NRN1L: variants seen among roughly 807,000 people sequenced by gnomAD.
NRN1L encodes neuritin-like protein.
Under a neutral mutation model 8.8 loss-of-function variants are expected in NRN1L, and 12 were observed. The ratio of observed to expected loss-of-function variants is 1.36; its 90% confidence interval spans 0.87 to 2.20. The LOEUF (loss-of-function observed/expected upper bound fraction) is 2.20, where lower values mean the gene tolerates loss of function less well. Among genes scored for constraint, NRN1L ranks in the 30% most tolerant of loss-of-function variants. NRN1L has a pLI of 0.00. For synonymous variants in NRN1L, 114 were observed against 99.2 expected (o/e 1.15, Z -0.88); for missense variants, 266 against 232.4 (o/e 1.14, Z -0.94).
intron 2 of NRN1L, 50 bp downstream of exon 2, chr16:67,885,904 T>G: frequency 6.3e-7 from 1 of 1,580,540 alleles, no homozygotes; most frequent in Non-Finnish European, 8.6e-7. Flanking sequence ...CATTGGGGAC[T>G]GAACCTTTTA....
chr16:67,885,381 C>G (rs1194652282), intron 1 of NRN1L: 2 of 465,590 alleles, frequency 4.3e-6, no homozygotes, highest in Non-Finnish European at 3.8e-6. Context: ...TGCACCTGCT[C>G]CTGGTCCGGG....
At chr16:67,885,161 GAGA>G (rs893579282) in intron 1 of NRN1L, 179 bp downstream of exon 1, 9 of 609,840 alleles carry the variant, frequency 1.5e-5, no homozygotes, top group East Asian at 1.4e-4. Context: ...CCAGTTATGG[GAGA>G]AGGACTCCAA....
Position 67,886,332 on chromosome 16 carries a change from G to A in NRN1L, c.*73G>A, listed in dbSNP as rs1030198546. ...GGTGGTTGTCCAGGCTCTGCAGAGC[G>A]CAGCAGGGCTTTTCATTAAAGGTAT... On this transcript the variant is annotated 3_prime_UTR_variant, in exon 3 of 3. Transcript: ENST00000339176. The A allele has an allele frequency of 1.3e-5, 17 of 1,272,152 alleles. No individual in the cohort carries two copies. The highest frequency in any genetic ancestry group is 6.0e-5 in the African/African-American group (4 of 66,438). The allele number at this position is 1,272,152 out of a possible 1,614,324, so 78.8% of individuals were successfully genotyped here.
chr16:67,885,023 C>A, intron 1 of NRN1L, 41 bp downstream of exon 1: 1 of 1,558,680 alleles, frequency 6.4e-7, no homozygotes, highest in Non-Finnish European at 8.8e-7. Flanking sequence ...ACCCCCTTCT[C>A]GCCCAGCCAA....
Position 67,884,890 on chromosome 16 carries a change from G to A in NRN1L, c.-14G>A, listed in dbSNP as rs1222299975. 6.2e-7 allele frequency: 1 copy of A among 1,602,956 alleles called. No individual in the cohort carries two copies. On this transcript the variant is annotated 5_prime_UTR_variant, in exon 1 of 3. Coordinates refer to ENST00000339176, the MANE Select transcript of NRN1L (RefSeq NM_198443.2). This position sits in a 1 kb window ranked among gnomAD's most constrained non-coding sequence, Gnocchi z 4.1. Reference sequence around the variant, plus strand: ...TCCAAGCAGCTAGCTCCTGCACTAGGCTCTCAGCCAGGGATGATGCGCTGC... The same window carrying A: ...TCCAAGCAGCTAGCTCCTGCACTAGACTCTCAGCCAGGGATGATGCGCTGC...
intron 1 of NRN1L, 137 bp from the exon 2 acceptor site, chr16:67,885,585 T>A: frequency 1.5e-6 from 1 of 657,762 alleles, no homozygotes; most frequent in Non-Finnish European, 2.6e-6. Context: ...TGCCCTTTAG[T>A]TCCCTGGGGC....
chr16:67,884,937 C>A lies in NRN1L; in HGVS notation c.34C>A (p.Arg12=). Residue 12 remains arginine, a synonymous_variant, in exon 1 of 3, where the codon CGG becomes AGG. Coordinates refer to ENST00000339176, the MANE Select transcript of NRN1L (RefSeq NM_198443.2). The surrounding 1 kb of genome is among the most constrained non-coding windows in gnomAD (Gnocchi z 4.1). ...MRCCRRRCCC[R]QPPHALRPLL... Reference sequence around the variant, plus strand: ...CTGCTGCCGCCGCCGCTGCTGCTGCCGGCAACCACCCCATGCCCTGAGGCC... The same window carrying A: ...CTGCTGCCGCCGCCGCTGCTGCTGCAGGCAACCACCCCATGCCCTGAGGCC... The A allele has an allele frequency of 6.2e-7, 1 of 1,607,664 alleles. No individual in the cohort carries two copies. The highest frequency in any genetic ancestry group is 8.5e-7 in the Non-Finnish European group (1 of 1,179,790).
downstream of NRN1L, among the ~76,000 whole-genome samples, chr16:67,888,316 C>T (rs1399979394): frequency 6.6e-6 from 1 of 152,104 alleles, no homozygotes; most frequent in Non-Finnish European, 1.5e-5. Flanking sequence ...GGGCATACTG[C>T]TGGGAAGGAT....
chr16:67,885,703 A>AAGTCCCTTTTACAC lies in NRN1L; in HGVS notation c.80-19_80-18insAGTCCCTTTTACAC. On this transcript the variant is annotated intron_variant, in intron 1 of 2. Coordinates refer to ENST00000339176, the MANE Select transcript of NRN1L (RefSeq NM_198443.2). ...CTATCTACCATTCCTTCCCCACCCC[A>AAGTCCCTTTTACAC]CCCCCGCCCCACTTCTAGTCCTTTT... 1 of 635,100 alleles carries AAGTCCCTTTTACAC rather than the reference A, an allele frequency of 1.6e-6. No individual in the cohort carries two copies. The highest frequency in any genetic ancestry group is 2.4e-6 in the Non-Finnish European group (1 of 414,504). 39.3% of individuals were successfully genotyped at this position (635,100 alleles called of 1,614,324 possible).
At chr16:67,887,163 C>G (rs1323480117), downstream of NRN1L, among the ~76,000 whole-genome samples, 1 of 152,148 alleles carries the variant, frequency 6.6e-6, no homozygotes, top group Non-Finnish European at 1.5e-5. Flanking sequence ...GGGGGTAGGA[C>G]CCTCTTCTGA....
intron 1 of NRN1L, chr16:67,885,513 C>G: frequency 1.8e-6 from 1 of 564,812 alleles, no homozygotes; most frequent in Non-Finnish European, 3.1e-6. Flanking sequence ...ACCCCCTTCC[C>G]CTGTACAAAT....
At position 67,886,140 on chromosome 16, in the gene NRN1L, G is replaced by A. The variant is rs2058095576; in HGVS notation, c.379G>A (p.Gly127Ser). 6.2e-7 allele frequency: 1 copy of A among 1,611,726 alleles called. No homozygotes were observed. The highest frequency in any genetic ancestry group is 8.5e-7 in the Non-Finnish European group (1 of 1,179,700). The change falls in exon 3 of 3, where the codon GGC (glycine) becomes AGC (serine). Residue 127 changes from glycine (G) to serine (S), a missense_variant. Physicochemically the swap from Gly to Ser is moderately conservative, Grantham distance 56 (BLOSUM62 0). Coordinates refer to ENST00000339176, the MANE Select transcript of NRN1L (RefSeq NM_198443.2). Reference protein sequence around the residue: ...APVHVRERGTGSETNQETLRA... With the variant: ...APVHVRERGTSSETNQETLRA... Reference sequence around the variant, plus strand: ...GGTGCATGTTCGGGAGCGCGGCACAGGCTCCGAAACCAACCAGGAGACGCT... The same window carrying A: ...GGTGCATGTTCGGGAGCGCGGCACAAGCTCCGAAACCAACCAGGAGACGCT...
At position 67,885,789 on chromosome 16, in the gene NRN1L, CG is replaced by C; in HGVS notation, c.148del (p.Ala50ProfsTer112). Reference sequence around the variant, plus strand: ...GATGTGACACCATATACCAGGGCTTCGCCGAGTGTCTCATCCGCTTGGGGGA... The same window carrying C: ...GATGTGACACCATATACCAGGGCTTCCCGAGTGTCTCATCCGCTTGGGGGA... ...NRCDTIYQGFAECLIRLGDSM... is the reference protein window; with the variant it reads ...NRCDTIYQGFXECLIRLGDSM... On this transcript the variant is annotated frameshift_variant, in exon 2 of 3. Coordinates refer to ENST00000339176, the MANE Select transcript of NRN1L (RefSeq NM_198443.2). LOFTEE classifies it high-confidence loss of function. 1 of 1,593,190 alleles carries C rather than the reference CG, an allele frequency of 6.3e-7. No individual in the cohort carries two copies. The highest frequency in any genetic ancestry group is 2.2e-5 in the East Asian group (1 of 44,480).
downstream of NRN1L, among the ~76,000 whole-genome samples, chr16:67,888,389 G>C (rs113949170): frequency 5.3e-5 from 8 of 152,146 alleles, no homozygotes; most frequent in African/African-American, 1.9e-4. Flanking sequence ...AGGAGCAGGG[G>C]CCTGGCTGTT....
rs1479606808 is a variant in NRN1L at position 67,885,996 on chromosome 16, T to C, written c.235T>C (p.Cys79Arg). The C allele has an allele frequency of 6.2e-7, 1 of 1,614,190 alleles. No individual in the cohort carries two copies. Among genetic ancestry groups the C allele is most frequent in the Admixed American group, 1.7e-5 (1 of 60,022 alleles). The change falls in exon 3 of 3, where the codon TGT (cysteine) becomes CGT (arginine). Residue 79 changes from cysteine to arginine, a missense_variant. Coordinates refer to ENST00000339176, the MANE Select transcript of NRN1L (RefSeq NM_198443.2). ...CAGGTCTTGGAATGACTTCCATGCC[T>C]GTGCCTCTCAGGTCCTGTCAGGCTG... ...ICRSWNDFHA[C>R]ASQVLSGCPE... is the part of the protein sequence containing the mutation.
At chr16:67,888,013 C>G (rs565899722), downstream of NRN1L, among the ~76,000 whole-genome samples, 23 of 152,306 alleles carry the variant, frequency 1.5e-4, no homozygotes, top group South Asian at 4.1e-3. Context: ...CCACACAGCT[C>G]CTGGATTCCC....
At position 67,885,354 on chromosome 16, in the gene NRN1L, T is replaced by C; in HGVS notation, c.80-368T>C. On this transcript the variant is annotated intron_variant, in intron 1 of 2. Coordinates refer to ENST00000339176, the MANE Select transcript of NRN1L (RefSeq NM_198443.2). ...AGTTCGGAGGGCCAAGCAAAGCTTG[T>C]CTAAACCGCAGAGAGATGCACCTGC... The C allele has an allele frequency of 6.3e-6, 3 of 477,110 alleles. No individual in the cohort carries two copies. The South Asian group carries it at 7.8e-5, about 12-fold the overall frequency. The allele number at this position is 477,110 out of a possible 1,614,324, so 29.6% of individuals were successfully genotyped here.
chr16:67,885,405 C>T, intron 1 of NRN1L: 1 of 473,804 alleles, frequency 2.1e-6, no homozygotes, highest in Middle Eastern at 5.5e-4. Flanking sequence ...TCTGGACCTC[C>T]CTCCCCTCCA....
At chr16:67,887,804 G>C (rs1418308513), downstream of NRN1L, among the ~76,000 whole-genome samples, 1 of 151,976 alleles carries the variant, frequency 6.6e-6, no homozygotes, top group Non-Finnish European at 1.5e-5. Context: ...GGATGGTCTC[G>C]ATCTCCTGAC....
Sources: allele counts gnomAD v4.1 joint callset (sites outside exome capture counted in the v4.1 genomes callset), GRCh38; gene constraint gnomAD v4.1.1; non-coding constraint Gnocchi (gnomAD v3.1); transcripts MANE v1.5; gene names NCBI Gene and HGNC (gene_info 2026-07-23, HGNC 2026-07-21).